Variants in KIF3A observed in about 807,000 individuals in gnomAD.
KIF3A encodes kinesin family member 3A.
KIF3A carries 27 observed loss-of-function variants against 92.6 expected under a neutral mutation model. The ratio of observed to expected loss-of-function variants is 0.29; its 90% CI spans 0.21 to 0.40. The LOEUF (loss-of-function observed/expected upper bound fraction) is 0.40, where lower values mean the gene tolerates loss of function less well. Among genes scored for constraint, KIF3A ranks in the 10% least tolerant of loss-of-function variants. The pLI is 1.00. For missense variants in KIF3A, 581 were observed against 872.6 expected, an observed-to-expected ratio of 0.67 and a Z score of 4.21; for synonymous variants, 250 against 275.4, an observed-to-expected ratio of 0.91 and a Z score of 0.92.
chr5:132,707,568 C>A (rs945372742), intron 10 of KIF3A, among the ~76,000 whole-genome samples: 1 of 152,306 alleles, frequency 6.6e-6, no homozygotes, highest in Middle Eastern at 3.4e-3. Context: ...GTTTATTATA[C>A]AAAGTAATAC....
In KIF3A at chr5:132,726,157, A is replaced by C; in HGVS notation, c.481T>G (p.Leu161Val). 1 of 1,611,978 alleles carries C rather than the reference A, an allele frequency of 6.2e-7. No homozygotes were observed. The highest frequency in any genetic ancestry group is 1.1e-5 in the South Asian group (1 of 90,422). The change falls in exon 4 of 19, where the codon TTG (leucine) becomes GTG (valine). Residue 161 changes from leucine to valine, a missense_variant. Physicochemically the swap from Leu to Val is conservative, Grantham distance 32. Coordinates refer to ENST00000403231, the MANE Select transcript of KIF3A (RefSeq NM_001300791.2). ...AACCTTTGTGTCTGATCCTTGCCCA[A>C]AAGGTCACGAACTTCTTCATTATAT... The part of the protein sequence containing the change: ...EIYNEEVRDL[L>V]GKDQTQRLEV...
At chr5:132,717,357 A>G (rs1004269458) in intron 5 of KIF3A, among the ~76,000 whole-genome samples, 5 of 152,134 alleles carry the variant, frequency 3.3e-5, no homozygotes, top group African/African-American at 1.2e-4. Flanking sequence ...AAAAAACAAT[A>G]ATAATAAAGA....
Position 132,716,234 on chromosome 5 carries a change from T to C in KIF3A, c.954+11A>G. On this transcript the variant is annotated intron_variant, in intron 7 of 18. Transcript: ENST00000403231. ...TGCCTGATGTTAACTATATCACCAA[T>C]TAAGTCTTACCATCATGGTTTTTGA... is the stretch of plus-strand genomic sequence containing the variant. The C allele has an allele frequency of 6.3e-7, 1 of 1,598,054 alleles. No homozygotes were observed. Among genetic ancestry groups the C allele is most frequent in the South Asian group, 1.1e-5 (1 of 90,536 alleles).
chr5:132,728,724 GAGACTCTGTCTCA>G, intron 2 of KIF3A, among the ~76,000 whole-genome samples: 1 of 149,872 alleles, frequency 6.7e-6, no homozygotes, highest in Non-Finnish European at 1.5e-5. Flanking sequence ...GTGACAGAGT[GAGACTCTGTCTCA>G]AAAAATACAA....
chr5:132,720,346 A>G (rs1753784051), intron 5 of KIF3A, among the ~76,000 whole-genome samples: 1 of 152,240 alleles, frequency 6.6e-6, no homozygotes, highest in Non-Finnish European at 1.5e-5. Flanking sequence ...CAATTTTACT[A>G]TTATAGCTAC....
chr5:132,698,896 C>A (rs10455052), intron 18 of KIF3A, among the ~76,000 whole-genome samples: 24,117 of 151,998 alleles, frequency 0.16, 2,827 homozygotes, highest in East Asian at 0.53. Context: ...CGCCACCATG[C>A]CTGGTTAACT....
At chr5:132,734,046 G>T (rs1307051891) in intron 2 of KIF3A, among the ~76,000 whole-genome samples, 159 bp downstream of exon 2, 1 of 152,156 alleles carries the variant, frequency 6.6e-6, no homozygotes, top group Non-Finnish European at 1.5e-5. Flanking sequence ...AGGAAATTTT[G>T]AGGATGACAA....
In KIF3A at chr5:132,693,841, T is replaced by A. The variant is rs1752745830; in HGVS notation, c.*2793A>T. On this transcript the variant is annotated 3_prime_UTR_variant, in exon 19 of 19. Transcript: ENST00000403231. ...AAAAAAAATACAAAAATTAGCTGGG[T>A]GTGGTGGCGCAAACCTGTAATCCCA... is the stretch of plus-strand genomic sequence containing the variant. 6.6e-6 allele frequency: 1 copy of A among 151,104 alleles called. No individual in the cohort carries two copies. The highest frequency in any genetic ancestry group is 2.4e-5 in the African/African-American group (1 of 40,992). 9.4% of individuals were successfully genotyped at this position (151,104 alleles called of 1,614,324 possible).
chr5:132,723,726 G>C lies in KIF3A; in HGVS notation c.510+2402C>G, dbSNP rs1364448388. 3.9e-5 allele frequency: 6 copies of C among 152,300 alleles called. No individual in the cohort carries two copies. The East Asian group carries it at 7.7e-4, about 20-fold the overall frequency. 9.4% of individuals were successfully genotyped at this position (152,300 alleles called of 1,614,324 possible). ...AAGAAAACCTAGGCAATACCATTCA[G>C]GACATAGGAATGGCAAGAACTTCAT... On this transcript the variant is annotated intron_variant, in intron 4 of 18. Transcript: ENST00000403231.
At chr5:132,710,393 G>T (rs1753374486) in intron 9 of KIF3A, among the ~76,000 whole-genome samples, 1 of 152,118 alleles carries the variant, frequency 6.6e-6, no homozygotes, top group Non-Finnish European at 1.5e-5. Flanking sequence ...GAGGCAGATG[G>T]ATCATGAGGT....
At chr5:132,713,992 G>T (rs1462787699) in intron 8 of KIF3A, among the ~76,000 whole-genome samples, 1 of 149,320 alleles carries the variant, frequency 6.7e-6, no homozygotes, top group Non-Finnish European at 1.5e-5. Context: ...CACCTTCCAG[G>T]TTCAAGTGAT....
intron 5 of KIF3A, among the ~76,000 whole-genome samples, chr5:132,718,245 C>A (rs1453681137): frequency 6.6e-6 from 1 of 152,056 alleles, no homozygotes; most frequent in Non-Finnish European, 1.5e-5. Flanking sequence ...TGCTTTTATC[C>A]CCCCACTGAC....
chr5:132,693,402 C>T lies in KIF3A; in HGVS notation c.*3232G>A, dbSNP rs1277067124. ...CTATAAACCAATAATTCTACCAATG[C>T]TCCTTTTAATAAATAAATATCACTT... On this transcript the variant is annotated 3_prime_UTR_variant, in exon 19 of 19. Coordinates refer to ENST00000403231, the MANE Select transcript of KIF3A (RefSeq NM_001300791.2). 2 of 152,796 alleles carry T rather than the reference C, an allele frequency of 1.3e-5. No individual in the cohort carries two copies. The highest frequency in any genetic ancestry group is 3.8e-4 in the East Asian group (2 of 5,312). 9.5% of individuals were successfully genotyped at this position (152,796 alleles called of 1,614,324 possible).
At chr5:132,699,131 T>C in intron 18 of KIF3A, 40 bp downstream of exon 18, 2 of 1,591,798 alleles carry the variant, frequency 1.3e-6, no homozygotes, top group South Asian at 1.1e-5. Flanking sequence ...TTAGAATACC[T>C]CAATGCCTTC....
chr5:132,711,177 C>T, intron 8 of KIF3A, 120 bp from the exon 9 acceptor site: 1 of 807,832 alleles, frequency 1.2e-6, no homozygotes. Flanking sequence ...AATTTAAATA[C>T]TATTTAAATG....
chr5:132,702,864 A>G, intron 13 of KIF3A, 21 bp downstream of exon 13: 1 of 1,607,068 alleles, frequency 6.2e-7, no homozygotes. Context: ...ATACCAAACT[A>G]AAAACAGAAA....
rs143412226 is a variant in KIF3A at position 132,720,136 on chromosome 5, G to A, written c.616+473C>T. On this transcript the variant is annotated intron_variant, in intron 5 of 18. Transcript: ENST00000403231. ...GGATTACAGGCATGAGCCACTGTGC[G>A]TGGCTATGGCTTAGGTGTGATCACT... Among the ~76,000 whole-genome samples the A allele has an allele frequency of 9.7e-4, 147 of 152,238 alleles. 5 individuals carry two copies. In the East Asian group the frequency reaches 0.019, roughly 20 times the overall value.
intron 8 of KIF3A, among the ~76,000 whole-genome samples, chr5:132,714,826 G>A (rs553336819): frequency 2.2e-4 from 33 of 152,246 alleles, no homozygotes; most frequent in Non-Finnish European, 4.1e-4. Flanking sequence ...AAAACATAAA[G>A]TCAGCAAAAT....
At chr5:132,736,754 C>T (rs1389578266) in intron 1 of KIF3A, 1 of 467,560 alleles carries the variant, frequency 2.1e-6, no homozygotes. Flanking sequence ...TCCGAGGCCT[C>T]ACAACCACTA....
Sources: gnomAD v4.1 joint callset for allele counts (sites outside exome capture counted in the v4.1 genomes callset) on GRCh38, gnomAD v4.1.1 for gene constraint, MANE v1.5 for transcripts, NCBI Gene and HGNC (gene_info 2026-07-23, HGNC 2026-07-21) for gene names.